CACNA2D3: variants seen among roughly 807,000 people sequenced by gnomAD.
CACNA2D3 encodes calcium voltage-gated channel auxiliary subunit alpha2delta 3, also known as voltage-dependent calcium channel subunit alpha-2/delta-3.
CACNA2D3 carries 60 observed loss-of-function variants against 160.6 expected under a neutral mutation model. The observed-to-expected ratio is 0.37, with a 90% CI of 0.30 to 0.46. The LOEUF (loss-of-function observed/expected upper bound fraction) is 0.46. CACNA2D3 is among the 20% of genes least tolerant of loss of function. The pLI, the probability that CACNA2D3 is intolerant of heterozygous loss-of-function variation, is 1.00. For synonymous variants in CACNA2D3, 558 were observed against 492.9 expected (o/e 1.13, Z -1.75); for missense variants, 1,205 against 1,365.0 (o/e 0.88, Z 1.85).
chr3:54,454,954 T>A (rs1302483689), intron 4 of CACNA2D3, among the ~76,000 whole-genome samples: 1 of 152,190 alleles, frequency 6.6e-6, no homozygotes, highest in African/African-American at 2.4e-5. Context: ...GACTTGTATA[T>A]AAATGTGTAT....
At chr3:54,361,539 A>C (rs967422300) in intron 3 of CACNA2D3, among the ~76,000 whole-genome samples, 1 of 152,248 alleles carries the variant, frequency 6.6e-6, no homozygotes, top group Non-Finnish European at 1.5e-5. Flanking sequence ...CCTGCATTAC[A>C]ATCAGCGACA....
At chr3:54,208,053 G>A (rs1701303887) in intron 2 of CACNA2D3, among the ~76,000 whole-genome samples, 1 of 152,102 alleles carries the variant, frequency 6.6e-6, no homozygotes, top group Admixed American at 6.6e-5. Flanking sequence ...TTCTAAAATG[G>A]GTGAGTAGTG....
At chr3:55,002,501 G>A (rs560417122) in intron 31 of CACNA2D3, among the ~76,000 whole-genome samples, 22 of 152,330 alleles carry the variant, frequency 1.4e-4, no homozygotes, top group Non-Finnish European at 2.4e-4. Context: ...GACATATCCC[G>A]GTGTCTGGGT....
intron 35 of CACNA2D3, among the ~76,000 whole-genome samples, chr3:55,069,807 G>A (rs1704757711): frequency 6.6e-6 from 1 of 152,190 alleles, no homozygotes. Context: ...TATCCCCAAA[G>A]GCGTGTTTTC....
chr3:54,210,442 TTGTG>T (rs112519809), intron 2 of CACNA2D3, among the ~76,000 whole-genome samples: 2 of 148,076 alleles, frequency 1.4e-5, no homozygotes, highest in African/African-American at 2.5e-5. Context: ...GTGTGTGTGT[TTGTG>T]TGTGTGTGTG....
intron 3 of CACNA2D3, among the ~76,000 whole-genome samples, chr3:54,361,081 C>A (rs1482084839): frequency 6.6e-6 from 1 of 151,964 alleles, no homozygotes; most frequent in Non-Finnish European, 1.5e-5. Context: ...CAGATAGCTG[C>A]ACACAAAACA....
At chr3:54,193,284 C>T (rs1159814423) in intron 2 of CACNA2D3, among the ~76,000 whole-genome samples, 1 of 152,076 alleles carries the variant, frequency 6.6e-6, no homozygotes, top group Non-Finnish European at 1.5e-5. Context: ...TCCAGGTGAC[C>T]CAGCAGCAGA....
At chr3:54,757,359 G>A (rs1280425887) in intron 12 of CACNA2D3, among the ~76,000 whole-genome samples, 1 of 152,076 alleles carries the variant, frequency 6.6e-6, no homozygotes, top group Non-Finnish European at 1.5e-5. Flanking sequence ...AAAGAGAACT[G>A]GTGGCCTGAG....
At chr3:54,987,561 C>A in intron 30 of CACNA2D3, 122 bp from the exon 31 acceptor site, 1 of 584,898 alleles carries the variant, frequency 1.7e-6, no homozygotes, top group Non-Finnish European at 3.0e-6. Context: ...TTTCCACTTT[C>A]CTGAAAACCT....
intron 13 of CACNA2D3, among the ~76,000 whole-genome samples, chr3:54,788,993 G>C (rs1702692942): frequency 6.6e-6 from 1 of 152,112 alleles, no homozygotes; most frequent in South Asian, 2.1e-4. Context: ...ATGCATTGTT[G>C]ATTGAGCGGC....
At chr3:54,241,961 C>T (rs942357528) in intron 2 of CACNA2D3, among the ~76,000 whole-genome samples, 8 of 152,142 alleles carry the variant, frequency 5.3e-5, no homozygotes, top group Non-Finnish European at 1.2e-4. Context: ...ATAGTAGTTC[C>T]TCTTTATCCA....
At chr3:54,160,798 A>G (rs1247813996) in intron 2 of CACNA2D3, among the ~76,000 whole-genome samples, 2 of 152,184 alleles carry the variant, frequency 1.3e-5, no homozygotes, top group Non-Finnish European at 2.9e-5. Context: ...CTCATTAACC[A>G]ATTTGTAATG....
At chr3:54,806,443 C>G (rs1170768570) in intron 13 of CACNA2D3, among the ~76,000 whole-genome samples, 3 of 152,182 alleles carry the variant, frequency 2.0e-5, no homozygotes, top group South Asian at 2.1e-4. Flanking sequence ...TGAGTGAACT[C>G]TCATTCACAA....
At chr3:54,470,614 G>T (rs1356323695) in intron 4 of CACNA2D3, among the ~76,000 whole-genome samples, 2 of 152,110 alleles carry the variant, frequency 1.3e-5, no homozygotes, top group Non-Finnish European at 1.5e-5. Flanking sequence ...TGGGCTAAAT[G>T]CCCCAATTAA....
intron 11 of CACNA2D3, among the ~76,000 whole-genome samples, chr3:54,697,297 T>C (rs939997654): frequency 6.6e-6 from 1 of 151,818 alleles, no homozygotes; most frequent in African/African-American, 2.4e-5. Flanking sequence ...AACAAAAACA[T>C]GAGATTCCTG....
intron 35 of CACNA2D3, among the ~76,000 whole-genome samples, chr3:55,059,778 G>C (rs1704458490): frequency 6.6e-6 from 1 of 152,092 alleles, no homozygotes; most frequent in African/African-American, 2.4e-5. Flanking sequence ...GCACTCAGTG[G>C]GATGGATTGG....
intron 2 of CACNA2D3, among the ~76,000 whole-genome samples, chr3:54,211,837 A>G (rs531617988): frequency 5.9e-5 from 9 of 152,328 alleles, no homozygotes; most frequent in Admixed American, 5.2e-4. Flanking sequence ...TATAAAATGT[A>G]ACTTATTTTA....
At chr3:54,577,207 A>G (rs1253996915) in intron 8 of CACNA2D3, among the ~76,000 whole-genome samples, 7 of 152,224 alleles carry the variant, frequency 4.6e-5, no homozygotes, top group African/African-American at 1.7e-4. Context: ...AGCACACAGT[A>G]GGTGCTTAGG....
At position 54,518,375 on chromosome 3, in the gene CACNA2D3, G is replaced by A. The variant is rs188362644; in HGVS notation, c.544+14721G>A. Among the ~76,000 whole-genome samples the A allele has an allele frequency of 4.9e-3, 749 of 152,158 alleles. 9 individuals are homozygous for A. Among genetic ancestry groups the A allele is most frequent in the East Asian group, 0.013 (69 of 5,156 alleles). ...TAGGGGAAGTGAGGGGTGAGGAAGT[G>A]GGAGAGAGAGAGAGGGAAAGCAAGA... On this transcript the variant is annotated intron_variant, in intron 5 of 37. Coordinates refer to ENST00000474759, the MANE Select transcript of CACNA2D3 (RefSeq NM_018398.3).
Sources: allele counts gnomAD v4.1 joint callset (sites outside exome capture counted in the v4.1 genomes callset), GRCh38; gene constraint gnomAD v4.1.1; transcripts MANE v1.5; gene names NCBI Gene and HGNC (gene_info 2026-07-23, HGNC 2026-07-21).